USP14: variants seen among roughly 807,000 people sequenced by gnomAD.
USP14 encodes the protein ubiquitin specific peptidase 14.
Under a neutral mutation model 76.5 loss-of-function variants are expected in USP14, and 38 were observed. That is an observed-to-expected ratio of 0.50 (90% CI 0.38 to 0.65). The LOEUF (loss-of-function observed/expected upper bound fraction) is 0.65, where lower values mean the gene tolerates loss of function less well. Ranked by LOEUF, USP14 falls within the 30% of genes least tolerant of loss-of-function variation. USP14 has a pLI of 0.00. For synonymous variants in USP14, 192 were observed against 191.7 expected, an observed-to-expected ratio of 1.00 and a Z score of -0.01; for missense variants, 467 against 586.5, an observed-to-expected ratio of 0.80 and a Z score of 2.10.
At chr18:181,251 A>G (rs1037918259) in intron 5 of USP14, among the ~76,000 whole-genome samples, 6 of 152,274 alleles carry the variant, frequency 3.9e-5, no homozygotes, top group East Asian at 1.9e-4. Flanking sequence ...TAGTAACTCT[A>G]TGTTTAATGT....
intron 5 of USP14, among the ~76,000 whole-genome samples, chr18:183,805 GGTT>G: frequency 6.6e-6 from 1 of 151,062 alleles, no homozygotes; most frequent in East Asian, 1.9e-4. Flanking sequence ...TGGATGTAAG[GGTT>G]GTTCTTCCCT....
rs2143121422 is a variant in USP14, at chr18:214,305, CAA to C, written c.*3022_*3023del. The C allele has an allele frequency of 4.8e-6, 1 of 210,390 alleles. No homozygotes were observed. Among genetic ancestry groups the C allele is most frequent in the South Asian group, 9.5e-5 (1 of 10,554 alleles). The allele number at this position is 210,390 out of a possible 1,614,324, so 13.0% of individuals were successfully genotyped here. ...TAAATTTTGTAAAACTACTAACAAA[CAA>C]CACACAGGAAACTAATTTGGTATAA... is the stretch of plus-strand genomic sequence containing the variant. On this transcript the variant is annotated 3_prime_UTR_variant, in exon 16 of 16. Transcript: ENST00000261601.
At chr18:179,434 T>C (rs1302180454) in intron 4 of USP14, among the ~76,000 whole-genome samples, 1 of 152,078 alleles carries the variant, frequency 6.6e-6, no homozygotes, top group African/African-American at 2.4e-5. Context: ...GATATTTAAA[T>C]TTTTAAAATC....
chr18:162,787 CT>C (rs1480061978), intron 1 of USP14, among the ~76,000 whole-genome samples: 1 of 151,112 alleles, frequency 6.6e-6, no homozygotes, highest in Non-Finnish European at 1.5e-5. Context: ...ATCTACTTCT[CT>C]GAAGTCTCAG....
intron 10 of USP14, 49 bp downstream of exon 10, chr18:199,365 C>A: frequency 1.5e-6 from 2 of 1,334,022 alleles, no homozygotes; most frequent in East Asian, 2.4e-5. Flanking sequence ...TCCATGTTTG[C>A]GAGTAAGCCA....
chr18:214,109 T>C lies in USP14; in HGVS notation c.*2825T>C, dbSNP rs1015256132. On this transcript the variant is annotated 3_prime_UTR_variant, in exon 16 of 16. Transcript: ENST00000261601. ...ATAGTGTAGCTGGAGCCATAGACAG[T>C]TAGTTAGTTAGTTATGAGTGAGCAC... 49 of 106,276 alleles carry C rather than the reference T, an allele frequency of 4.6e-4. No individual in the cohort carries two copies. Among genetic ancestry groups the C allele is most frequent in the African/African-American group, 1.4e-3 (48 of 33,598 alleles). 6.6% of individuals were successfully genotyped at this position (106,276 alleles called of 1,614,324 possible). A position where few individuals can be genotyped will look rare whatever the true frequency, so the allele number is the denominator to read the frequency against.
chr18:174,136 CA>C (rs1909555614), intron 3 of USP14, among the ~76,000 whole-genome samples: 1 of 152,134 alleles, frequency 6.6e-6, no homozygotes, highest in South Asian at 2.1e-4. Context: ...ATCTGTATGT[CA>C]GTCTGGGACA....
intron 2 of USP14, among the ~76,000 whole-genome samples, chr18:165,389 C>G (rs1288475108): frequency 1.3e-5 from 2 of 152,136 alleles, no homozygotes; most frequent in Non-Finnish European, 2.9e-5. Context: ...GGAGGAAAAT[C>G]TTTGTTTACC....
rs1910771349 is a variant in USP14, at chr18:214,101, A to G, written c.*2817A>G. On this transcript the variant is annotated 3_prime_UTR_variant, in exon 16 of 16. Coordinates refer to ENST00000261601, the MANE Select transcript of USP14 (RefSeq NM_005151.4). ...CTGTTGTTATAGTGTAGCTGGAGCC[A>G]TAGACAGTTAGTTAGTTAGTTATGA... is the stretch of plus-strand genomic sequence containing the variant. 1 of 148,244 alleles carries G rather than the reference A, an allele frequency of 6.7e-6. No homozygotes were observed. Among genetic ancestry groups the G allele is most frequent in the South Asian group, 2.2e-4 (1 of 4,650 alleles). The allele number at this position is 148,244 out of a possible 1,614,324, so 9.2% of individuals were successfully genotyped here.
rs1310052520 is a variant in USP14, at chr18:214,560, C to CTCT, written c.*3278_*3280dup. ...TTATTGTTTACCAAAACCAGTGGACCTCTTATCAAATGCTGCTTGGTAACA... is the reference window on the plus strand; with the variant it reads ...TTATTGTTTACCAAAACCAGTGGACCTCTTCTTATCAAATGCTGCTTGGTAACA... On this transcript the variant is annotated 3_prime_UTR_variant, in exon 16 of 16. Transcript: ENST00000261601. The CTCT allele has an allele frequency of 7.6e-7, 1 of 1,315,886 alleles. No homozygotes were observed. The highest frequency in any genetic ancestry group is 1.5e-5 in the African/African-American group (1 of 67,700). 81.5% of individuals were successfully genotyped at this position (1,315,886 alleles called of 1,614,324 possible). A position where few individuals can be genotyped will look rare whatever the true frequency, so the allele number is the denominator to read the frequency against.
Position 214,609 on chromosome 18 carries a change from A to G in USP14, c.*3325A>G. 6.3e-7 allele frequency: 1 copy of G among 1,582,830 alleles called. No homozygotes were observed. The highest frequency in any genetic ancestry group is 1.4e-5 in the African/African-American group (1 of 73,364). On this transcript the variant is annotated 3_prime_UTR_variant, in exon 16 of 16. Coordinates refer to ENST00000261601, the MANE Select transcript of USP14 (RefSeq NM_005151.4). ...CAAAATCTATCACAGTTTTAATAAAAAGAAAAAAAAAAGAAGCTAACTATT... is the reference window on the plus strand; with the variant it reads ...CAAAATCTATCACAGTTTTAATAAAGAGAAAAAAAAAAGAAGCTAACTATT...
chr18:201,780 C>T (rs909048116), intron 10 of USP14, among the ~76,000 whole-genome samples: 3 of 152,114 alleles, frequency 2.0e-5, no homozygotes, highest in Admixed American at 6.6e-5. Context: ...CGAACATACC[C>T]AGAAGGTCTA....
In USP14 at chr18:163,343, G is replaced by A. The variant is rs1598261414; in HGVS notation, c.52G>A (p.Val18Ile). ...ATGGGGAAAGGAGAAATTTGAAGGT[G>A]TAGAATTGAATACAGATGAACCTCC... Reference protein sequence around the residue: ...VKWGKEKFEGVELNTDEPPMV... With the variant: ...VKWGKEKFEGIELNTDEPPMV... Residue 18 changes from valine (V) to isoleucine (I), a missense_variant, in exon 2 of 16, where the codon GTA (valine) becomes ATA (isoleucine). Coordinates refer to ENST00000261601, the MANE Select transcript of USP14 (RefSeq NM_005151.4). 6.2e-7 allele frequency: 1 copy of A among 1,613,282 alleles called. No individual in the cohort carries two copies. Among genetic ancestry groups the A allele is most frequent in the East Asian group, 2.2e-5 (1 of 44,872 alleles).
intron 5 of USP14, among the ~76,000 whole-genome samples, chr18:190,035 T>G (rs867140792): frequency 6.6e-6 from 1 of 152,184 alleles, no homozygotes; most frequent in East Asian, 1.9e-4. Flanking sequence ...AATGTACAAA[T>G]TGGGCCCATT....
intron 5 of USP14, among the ~76,000 whole-genome samples, chr18:189,194 A>C (rs755736359): frequency 5.3e-5 from 8 of 152,002 alleles, no homozygotes; most frequent in Non-Finnish European, 1.0e-4. Flanking sequence ...TTAGTTTTCA[A>C]AGAATTGGCT....
In USP14 at chr18:163,449, T is replaced by C; in HGVS notation, c.158T>C (p.Leu53Pro). 1.2e-6 allele frequency: 2 copies of C among 1,611,442 alleles called. No homozygotes were observed. The highest frequency in any genetic ancestry group is 1.7e-6 in the Non-Finnish European group (2 of 1,179,178). Reference sequence around the variant, plus strand: ...AAAGTTATGGTGAAAGGAGGAACGCTAAAGGTAAAATGTAGTCCAAATTTT... The same window carrying C: ...AAAGTTATGGTGAAAGGAGGAACGCCAAAGGTAAAATGTAGTCCAAATTTT... ...RQKVMVKGGTLKDDDWGNIKI... is the reference protein window; with the variant it reads ...RQKVMVKGGTPKDDDWGNIKI... Residue 53 changes from leucine to proline, a missense_variant, in exon 2 of 16, where the codon CTA becomes CCA. Coordinates refer to ENST00000261601, the MANE Select transcript of USP14 (RefSeq NM_005151.4).
In USP14 at chr18:210,232, A is replaced by G. The variant is rs964433988; in HGVS notation, c.1226-154A>G. 13 of 696,216 alleles carry G rather than the reference A, an allele frequency of 1.9e-5. No homozygotes were observed. In the Middle Eastern group the frequency reaches 9.7e-4, roughly 52 times the overall value. 43.1% of individuals were successfully genotyped at this position (696,216 alleles called of 1,614,324 possible). ...GAGTAAGTTACTTATTAAAACATCA[A>G]TCATGAAGCCTTAACTATGATTGGA... On this transcript the variant is annotated intron_variant, in intron 14 of 15. Coordinates refer to ENST00000261601, the MANE Select transcript of USP14 (RefSeq NM_005151.4).
intron 5 of USP14, among the ~76,000 whole-genome samples, chr18:189,201 G>C (rs1005255362): frequency 6.6e-6 from 1 of 151,582 alleles, no homozygotes; most frequent in South Asian, 2.1e-4. Flanking sequence ...TCAAAGAATT[G>C]GCTATTAGAT....
intron 2 of USP14, among the ~76,000 whole-genome samples, chr18:164,315 C>T (rs1324258332): frequency 2.6e-5 from 4 of 151,794 alleles, no homozygotes; most frequent in Admixed American, 2.0e-4. Context: ...AAAACTACTA[C>T]AGAATGTAAT....
Sources: allele counts gnomAD v4.1 joint callset (sites outside exome capture counted in the v4.1 genomes callset), GRCh38; gene constraint gnomAD v4.1.1; transcripts MANE v1.5; gene names NCBI Gene and HGNC (gene_info 2026-07-23, HGNC 2026-07-21).